The following LRRC27 variants were observed in gnomAD, a reference collection of about 807,000 sequenced individuals.
LRRC27 encodes leucine-rich repeat-containing protein 27.
Under a neutral mutation model 55.0 loss-of-function variants are expected in LRRC27, and 57 were observed. The observed-to-expected ratio is 1.04, with a 90% CI of 0.84 to 1.29. The LOEUF (loss-of-function observed/expected upper bound fraction) is 1.29. LRRC27 is among the 50% of genes most tolerant of loss of function. The pLI, the probability that LRRC27 is intolerant of heterozygous loss-of-function variation, is 0.00. For missense variants in LRRC27, 721 were observed against 651.5 expected (o/e 1.11, Z -1.16); for synonymous variants, 278 against 251.9 (o/e 1.10, Z -0.98).
At chr10:132,353,186 G>A (rs2068148969) in intron 7 of LRRC27, 8 of 1,404,310 alleles carry the variant, frequency 5.7e-6, no homozygotes, top group African/African-American at 1.4e-5. Context: ...AAGGGAGAGC[G>A]AGGGCCTCGT....
intron 2 of LRRC27, chr10:132,335,206 C>T (rs1434712972): frequency 6.6e-6 from 1 of 152,274 alleles, no homozygotes; most frequent in African/African-American, 2.4e-5. Context: ...TGGGCAGGCA[C>T]ACCCAGCAGG....
At chr10:132,360,367 A>C (rs2068554711) in intron 8 of LRRC27, among the ~76,000 whole-genome samples, 1 of 152,186 alleles carries the variant, frequency 6.6e-6, no homozygotes, top group Non-Finnish European at 1.5e-5. Flanking sequence ...AAGTGCTGGG[A>C]TTACAGGTGT....
At chr10:132,338,647 C>T (rs551031420) in intron 3 of LRRC27, among the ~76,000 whole-genome samples, 7 of 152,184 alleles carry the variant, frequency 4.6e-5, no homozygotes, top group East Asian at 3.9e-4. Flanking sequence ...ACATCCCCGG[C>T]GCCATGGCTT....
chr10:132,358,508 C>T (rs868262897), intron 8 of LRRC27, among the ~76,000 whole-genome samples: 13 of 33,978 alleles, frequency 3.8e-4, no homozygotes, highest in African/African-American at 1.4e-3. Flanking sequence ...GGTGGAGCAG[C>T]GTGGGGAGGA....
rs2066939609 is a variant in LRRC27, at chr10:132,333,534, A to G, written c.10A>G (p.Ser4Gly). 2 of 1,601,726 alleles carry G rather than the reference A, an allele frequency of 1.2e-6. No individual in the cohort carries two copies. The highest frequency in any genetic ancestry group is 1.7e-6 in the Non-Finnish European group (2 of 1,173,536). The change falls in exon 2 of 11, where the codon AGC (serine) becomes GGC (glycine). Residue 4 changes from serine to glycine, a missense_variant. Transcript: ENST00000368614. MEG[S>G]SSYEVPSVAA... ...CCCTGGAAGAGAACGGATGGAGGGA[A>G]GCAGCTCCTACGAAGTTCCCTCTGT...
In LRRC27 at chr10:132,380,406, G is replaced by A. The variant is rs1027043059; in HGVS notation, c.*5164G>A. Among the ~76,000 whole-genome samples the A allele has an allele frequency of 3.9e-5, 6 of 152,202 alleles. No individual in the cohort carries two copies. Among genetic ancestry groups the A allele is most frequent in the East Asian group, 1.9e-4 (1 of 5,198 alleles). ...ACCTCCTGTTGCTATTGCAGTGAGC[G>A]CAAGCATGTCAAGGATCCGCTTAAA... On this transcript the variant is annotated 3_prime_UTR_variant, in exon 11 of 11. Transcript: ENST00000368614.
intron 9 of LRRC27, among the ~76,000 whole-genome samples, chr10:132,363,533 GC>G (rs2068747991): frequency 6.6e-6 from 1 of 152,178 alleles, no homozygotes; most frequent in Non-Finnish European, 1.5e-5. Context: ...GTCCTGGGAA[GC>G]CAAGGCTGGC....
In LRRC27 at chr10:132,348,398, A is replaced by T; in HGVS notation, c.926+42A>T. 1 of 1,579,962 alleles carries T rather than the reference A, an allele frequency of 6.3e-7. No individual in the cohort carries two copies. Among genetic ancestry groups the T allele is most frequent in the South Asian group, 1.2e-5 (1 of 86,780 alleles). ...ACGGGGGATTTTCTTGATCTTTGCG[A>T]ATTTATACAGTTATTTTAAATTATC... On this transcript the variant is annotated intron_variant, in intron 6 of 10. Transcript: ENST00000368614. The surrounding 1 kb of genome is among the most constrained non-coding windows in gnomAD (Gnocchi z 4.2).
upstream of LRRC27, chr10:132,331,677 C>T: frequency 6.2e-7 from 1 of 1,612,786 alleles, no homozygotes; most frequent in Non-Finnish European, 8.5e-7. Flanking sequence ...TTCTGCTCGG[C>T]TGTCCTCGAG....
chr10:132,369,851 C>G (rs1420776482), intron 10 of LRRC27, among the ~76,000 whole-genome samples: 1 of 152,176 alleles, frequency 6.6e-6, no homozygotes, highest in Non-Finnish European at 1.5e-5. Flanking sequence ...GTGTCCCCCA[C>G]TGTTCTCCCG....
At chr10:132,360,797 C>T (rs1236751121) in intron 8 of LRRC27, among the ~76,000 whole-genome samples, 2 of 152,216 alleles carry the variant, frequency 1.3e-5, no homozygotes, top group Non-Finnish European at 2.9e-5. Context: ...TCTTCTCTCC[C>T]ACTCTGTTGC....
rs111636010 is a variant in LRRC27 at position 132,337,650 on chromosome 10, G to A, written c.296G>A (p.Arg99Gln). The A allele has an allele frequency of 2.7e-5, 43 of 1,614,130 alleles. No homozygotes were observed. The East Asian group carries it at 2.9e-4, about 11-fold the overall frequency. ...CCGAACCTGACTTGGCTGGACCTCC[G>A]GTACAATAGAATTAAAGCGCTTCCT... ...LLPNLTWLDL[R>Q]YNRIKALPSG... is the part of the protein sequence containing the mutation. Residue 99 changes from arginine to glutamine, a missense_variant, in exon 3 of 11, where the codon CGG becomes CAG. Arg to Gln is a conservative substitution (Grantham distance 43). Coordinates refer to ENST00000368614, the MANE Select transcript of LRRC27 (RefSeq NM_030626.3).
intron 6 of LRRC27, among the ~76,000 whole-genome samples, chr10:132,349,919 G>A (rs1281995796): frequency 8.5e-5 from 13 of 152,174 alleles, no homozygotes; most frequent in Admixed American, 2.0e-4. Context: ...GCATTATCAG[G>A]GCCTCAGTTT....
chr10:132,333,283 A>G (rs1038818321), intron 1 of LRRC27, among the ~76,000 whole-genome samples, 194 bp from the exon 2 acceptor site: 9 of 151,196 alleles, frequency 6.0e-5, no homozygotes, highest in Non-Finnish European at 1.2e-4. Context: ...AAGTGAGAGC[A>G]GAGAATTTTA....
chr10:132,344,603 G>A lies in LRRC27; in HGVS notation c.506G>A (p.Arg169Gln), dbSNP rs773362023. The A allele has an allele frequency of 1.2e-5, 19 of 1,614,102 alleles. No homozygotes were observed. Among genetic ancestry groups the A allele is most frequent in the South Asian group, 1.1e-4 (10 of 91,080 alleles). Reference sequence around the variant, plus strand: ...TTGGTGGCTATCCAGCGCTTCCTGCGGATGTGGGCAGTAGAACACTCTCTC... The same window carrying A: ...TTGGTGGCTATCCAGCGCTTCCTGCAGATGTGGGCAGTAGAACACTCTCTC... ...KGLVAIQRFL[R>Q]MWAVEHSLPR... is the part of the protein sequence containing the mutation. The change falls in exon 5 of 11, where the codon CGG (arginine) becomes CAG (glutamine). Residue 169 changes from arginine to glutamine, a missense_variant. Transcript: ENST00000368614.
At chr10:132,361,388 T>C in intron 8 of LRRC27, 69 bp from the exon 9 acceptor site, 3 of 1,313,920 alleles carry the variant, frequency 2.3e-6, no homozygotes, top group Non-Finnish European at 2.2e-6. Flanking sequence ...TAACACACCT[T>C]GCAGGTTAGC....
upstream of LRRC27, among the ~76,000 whole-genome samples, chr10:132,331,094 G>A (rs1286203178): frequency 1.3e-5 from 2 of 150,944 alleles, no homozygotes; most frequent in African/African-American, 4.9e-5. Flanking sequence ...CCAGCTACTG[G>A]GGAGGCTGAG....
intron 3 of LRRC27, among the ~76,000 whole-genome samples, chr10:132,338,443 C>T (rs1174493390): frequency 1.3e-5 from 2 of 152,228 alleles, no homozygotes; most frequent in African/African-American, 2.4e-5. Flanking sequence ...CAACCAAGCT[C>T]CAGGTGTCCT....
chr10:132,360,565 C>G (rs1193284821), intron 8 of LRRC27, among the ~76,000 whole-genome samples: 2 of 152,080 alleles, frequency 1.3e-5, no homozygotes, highest in Non-Finnish European at 2.9e-5. Context: ...GGTGGGTGGT[C>G]CCTGGTCCTC....
Sources: gnomAD v4.1 joint callset for allele counts (sites outside exome capture counted in the v4.1 genomes callset) on GRCh38, gnomAD v4.1.1 for gene constraint, Gnocchi (gnomAD v3.1) non-coding constraint, MANE v1.5 for transcripts, NCBI Gene and HGNC (gene_info 2026-07-23, HGNC 2026-07-21) for gene names.